PTPA: variants seen among roughly 807,000 people sequenced by gnomAD.
The protein encoded by PTPA is protein phosphatase 2 phosphatase activator.
PTPA carries 13 observed loss-of-function variants against 43.6 expected under a neutral mutation model. That is an observed-to-expected ratio of 0.30 (90% CI 0.19 to 0.47). The LOEUF is 0.47. Among genes scored for constraint, PTPA ranks in the 20% least tolerant of loss-of-function variants. The pLI, the probability that PTPA is intolerant of heterozygous loss-of-function variation, is 0.99. For missense variants in PTPA, 329 were observed against 411.9 expected, an observed-to-expected ratio of 0.80 and a Z score of 1.74; for synonymous variants, 172 against 158.2, an observed-to-expected ratio of 1.09 and a Z score of -0.66.
At position 129,147,551 on chromosome 9, in the gene PTPA, T is replaced by C; in HGVS notation, c.*87T>C. 7.3e-7 allele frequency: 1 copy of C among 1,365,960 alleles called. No individual in the cohort carries two copies. The highest frequency in any genetic ancestry group is 1.0e-6 in the Non-Finnish European group (1 of 978,594). 84.6% of individuals were successfully genotyped at this position (1,365,960 alleles called of 1,614,324 possible). ...CAGTGGCCCCTCCCCATCCCCTCCC[T>C]CTGTTCGTCCCGTTTGATGAGAGGC... On this transcript the variant is annotated 3_prime_UTR_variant, in exon 10 of 10. Transcript: ENST00000393370.
At chr9:129,132,408 C>T (rs767675141) in intron 5 of PTPA, among the ~76,000 whole-genome samples, 12 of 152,162 alleles carry the variant, frequency 7.9e-5, no homozygotes, top group African/African-American at 1.2e-4. Context: ...TGGCCCACTG[C>T]AGCCTTGACC....
At chr9:129,121,716 G>C (rs985461319) in intron 2 of PTPA, among the ~76,000 whole-genome samples, 68 of 152,216 alleles carry the variant, frequency 4.5e-4, no homozygotes, top group African/African-American at 1.5e-3. Context: ...ATTGTCTCCA[G>C]ATCTTGTCAG....
chr9:129,135,132 C>T (rs954496005), intron 6 of PTPA, among the ~76,000 whole-genome samples: 10 of 152,196 alleles, frequency 6.6e-5, no homozygotes, highest in East Asian at 5.8e-4. Flanking sequence ...CGGTGGCTCA[C>T]GCCTGTAATC....
At chr9:129,113,186 C>T (rs1212090861) in intron 1 of PTPA, among the ~76,000 whole-genome samples, 2 of 151,798 alleles carry the variant, frequency 1.3e-5, no homozygotes, top group South Asian at 2.1e-4. Flanking sequence ...CTCTGCCTCC[C>T]GGGTTCAAGC....
chr9:129,134,296 CTTTTTTTT>C (rs68089837), intron 5 of PTPA, among the ~76,000 whole-genome samples: 6 of 56,886 alleles, frequency 1.1e-4, no homozygotes, highest in African/African-American at 1.6e-4. Context: ...ACTGGTAGTT[CTTTTTTTT>C]TTTTTTTTTT....
At chr9:129,121,428 T>G (rs1293606232) in intron 2 of PTPA, among the ~76,000 whole-genome samples, 15 of 152,152 alleles carry the variant, frequency 9.9e-5, no homozygotes, top group Non-Finnish European at 1.8e-4. Flanking sequence ...TTGGAAATAG[T>G]TATCATGTCT....
At chr9:129,143,356 C>G (rs997641821) in intron 9 of PTPA, 1 of 702,978 alleles carries the variant, frequency 1.4e-6, no homozygotes, top group Non-Finnish European at 2.6e-6. Context: ...TCCTTAAAGT[C>G]CCTTCTTTCT....
chr9:129,117,054 G>C (rs1274095471), intron 1 of PTPA, among the ~76,000 whole-genome samples: 1 of 152,006 alleles, frequency 6.6e-6, no homozygotes, highest in African/African-American at 2.4e-5. Flanking sequence ...TGATATTTGG[G>C]TTGTTTCTAA....
intron 8 of PTPA, among the ~76,000 whole-genome samples, chr9:129,138,733 T>A (rs560441044): frequency 4.5e-4 from 69 of 152,338 alleles, no homozygotes; most frequent in African/African-American, 1.7e-3. Context: ...AGCTGGGTTA[T>A]AACCAGCAGC....
At chr9:129,116,351 A>AT (rs71383630) in intron 1 of PTPA, among the ~76,000 whole-genome samples, 84,555 of 138,326 alleles carry the variant, frequency 0.61, 26,462 homozygotes, top group Non-Finnish European at 0.7. Flanking sequence ...CGCCCAGCTA[A>AT]TTTTTTTTGT....
rs748371662 is a variant in PTPA, at chr9:129,129,002, C to T, written c.234C>T (p.Val78=). 1.9e-5 allele frequency: 31 copies of T among 1,613,092 alleles called. No homozygotes were observed. Among genetic ancestry groups the T allele is most frequent in the East Asian group, 1.1e-4 (5 of 44,892 alleles). The part of the protein sequence containing the change: ...YRVSEAIEKL[V]ALLNTLDRWI... ...CTCCACAGGCCATTGAGAAACTAGT[C>T]GCTCTTCTCAACACGCTGGACAGGT... The change falls in exon 4 of 10, where the codon GTC becomes GTT. Residue 78 remains valine (V), a synonymous_variant. Transcript: ENST00000393370.
chr9:129,131,586 C>T lies in PTPA; in HGVS notation c.407C>T (p.Ala136Val). The change falls in exon 5 of 10, where the codon GCT (alanine) becomes GTT (valine). Residue 136 changes from alanine to valine, a missense_variant. Physicochemically the swap from Ala to Val is moderately conservative, Grantham distance 64 (BLOSUM62 0). Transcript: ENST00000393370. Reference protein sequence around the residue: ...THLAAAVPEVAVYLKESVGNS... With the variant: ...THLAAAVPEVVVYLKESVGNS... The stretch of plus-strand genomic sequence containing the variant: ...CTGGCAGCTGCTGTGCCTGAGGTGG[C>T]TGTTTACCTAAAGGAGTCAGTGGGG... 1 of 1,614,168 alleles carries T rather than the reference C, an allele frequency of 6.2e-7. No individual in the cohort carries two copies. Among genetic ancestry groups the T allele is most frequent in the Non-Finnish European group, 8.5e-7 (1 of 1,180,042 alleles).
intron 8 of PTPA, among the ~76,000 whole-genome samples, chr9:129,139,831 C>G (rs1363960442): frequency 2.6e-5 from 4 of 152,028 alleles, no homozygotes; most frequent in African/African-American, 9.7e-5. Flanking sequence ...CTTTCAGGGT[C>G]TCATGCCAAG....
chr9:129,122,986 G>A (rs963214157), intron 2 of PTPA, 66 bp from the exon 3 acceptor site: 21 of 1,270,384 alleles, frequency 1.7e-5, no homozygotes, highest in Middle Eastern at 2.1e-4. Flanking sequence ...GGTGGAGCTC[G>A]GGGCAGGTGG....
chr9:129,128,603 C>A (rs1849741581), intron 3 of PTPA, among the ~76,000 whole-genome samples: 1 of 150,620 alleles, frequency 6.6e-6, no homozygotes, highest in Non-Finnish European at 1.5e-5. Context: ...TCATTTTCTT[C>A]TGTTTATATT....
At chr9:129,146,804 C>T (rs1431429987) in intron 9 of PTPA, among the ~76,000 whole-genome samples, 6 of 152,196 alleles carry the variant, frequency 3.9e-5, no homozygotes, top group African/African-American at 9.7e-5. Flanking sequence ...CGGGCCTCCC[C>T]CGTGCTCAGC....
intron 8 of PTPA, 85 bp downstream of exon 8, chr9:129,137,777 G>A: frequency 1.6e-6 from 2 of 1,272,818 alleles, no homozygotes. Context: ...TGGATCAGAA[G>A]AGCCAGAGCT....
At chr9:129,132,395 T>A (rs1189517564) in intron 5 of PTPA, among the ~76,000 whole-genome samples, 1 of 152,188 alleles carries the variant, frequency 6.6e-6, no homozygotes, top group Non-Finnish European at 1.5e-5. Context: ...AGTGATGTGA[T>A]CTTGGCCCAC....
rs535267063 is a variant in PTPA, at chr9:129,145,034, A to G, written c.895-2353A>G. Among the ~76,000 whole-genome samples the G allele has an allele frequency of 2.0e-5, 3 of 151,618 alleles. No homozygotes were observed. The South Asian group carries it at 6.3e-4, about 32-fold the overall frequency. ...GGCAACAGTGTGAGACTCCGTCTCA[A>G]AGAAAAAAATCACTGGTTGGGTGCG... On this transcript the variant is annotated intron_variant, in intron 9 of 9. Coordinates refer to ENST00000393370, the MANE Select transcript of PTPA (RefSeq NM_178000.3).
Sources: allele counts gnomAD v4.1 joint callset (sites outside exome capture counted in the v4.1 genomes callset), GRCh38; gene constraint gnomAD v4.1.1; transcripts MANE v1.5; gene names NCBI Gene and HGNC (gene_info 2026-07-23, HGNC 2026-07-21).